Variants in PECAM1 observed in about 807,000 individuals in gnomAD.
The protein encoded by PECAM1 is platelet endothelial cell adhesion molecule.
A neutral mutation model predicts 13.8 loss-of-function variants in PECAM1; 8 were observed. The ratio of observed to expected loss-of-function variants is 0.58; its 90% CI spans 0.34 to 1.05. PECAM1 has a LOEUF of 1.05. Among genes scored for constraint, PECAM1 ranks in the 50% least tolerant of loss-of-function variants. PECAM1 has a pLI of 0.03. For synonymous variants in PECAM1, 136 were observed against 52.6 expected, an observed-to-expected ratio of 2.58 and a Z score of -6.86; for missense variants, 304 against 141.2, an observed-to-expected ratio of 2.15 and a Z score of -5.84.
At chr17:64,363,121 T>G (rs1229027907) in intron 6 of PECAM1, 28 bp downstream of exon 6, 4 of 475,244 alleles carry the variant, frequency 8.4e-6, no homozygotes, top group African/African-American at 2.0e-5. Flanking sequence ...ACCCTGGATG[T>G]CCTCTGAGTC....
rs1460631683 is a variant in PECAM1, at chr17:64,323,310, T to C, written c.*506A>G. The C allele has an allele frequency of 2.0e-6, 2 of 1,006,360 alleles. No homozygotes were observed. Among genetic ancestry groups the C allele is most frequent in the Non-Finnish European group, 2.4e-6 (2 of 842,244 alleles). The allele number at this position is 1,006,360 out of a possible 1,614,324, so 62.3% of individuals were successfully genotyped here. On this transcript the variant is annotated 3_prime_UTR_variant, in exon 16 of 16. Transcript: ENST00000563924. ...GGTCATAGAGGGGACAGGGGGAGGC[T>C]GTCTGGTCAGCACTGTGTATTTCCA...
intron 11 of PECAM1, among the ~76,000 whole-genome samples, chr17:64,350,819 T>A (rs1341908540): frequency 2.0e-5 from 3 of 151,990 alleles, no homozygotes; most frequent in African/African-American, 7.2e-5. Flanking sequence ...CACCTCAGCC[T>A]CCCAAAGAGC....
chr17:64,376,036 G>T (rs2036350334), intron 3 of PECAM1, among the ~76,000 whole-genome samples: 1 of 152,016 alleles, frequency 6.6e-6, no homozygotes, highest in East Asian at 1.9e-4. Context: ...ACGCGAGGTG[G>T]CTCACATCTG....
intron 5 of PECAM1, among the ~76,000 whole-genome samples, chr17:64,368,923 T>G (rs2143842349): frequency 7.2e-6 from 1 of 138,050 alleles, no homozygotes; most frequent in East Asian, 2.2e-4. Context: ...AAAGGGTAAT[T>G]GTCATTTCTT....
intron 14 of PECAM1, among the ~76,000 whole-genome samples, chr17:64,332,979 TC>T (rs533547848): frequency 3.1e-4 from 47 of 152,054 alleles, no homozygotes; most frequent in African/African-American, 1.1e-3. Context: ...ATGGTGAAAC[TC>T]CGTCTCTACT....
At chr17:64,347,510 C>G (rs118196609) in intron 13 of PECAM1, among the ~76,000 whole-genome samples, 56,744 of 139,580 alleles carry the variant, frequency 0.41, 13,100 homozygotes, top group Non-Finnish European at 0.52. Flanking sequence ...AGCCTGGGCA[C>G]AGAGTGAGAC....
At chr17:64,354,114 T>G (rs2035795890) in intron 9 of PECAM1, among the ~76,000 whole-genome samples, 2 of 152,024 alleles carry the variant, frequency 1.3e-5, no homozygotes, top group Admixed American at 1.3e-4. Flanking sequence ...CAATTTTTTG[T>G]ATTTTTAGTA....
intron 2 of PECAM1, among the ~76,000 whole-genome samples, chr17:64,383,095 G>T (rs899679328): frequency 6.6e-6 from 1 of 152,064 alleles, no homozygotes; most frequent in Non-Finnish European, 1.5e-5. Flanking sequence ...AATTTAAAGC[G>T]ACTTCTCCAG....
intron 13 of PECAM1, among the ~76,000 whole-genome samples, chr17:64,342,470 G>A (rs1018275930): frequency 6.6e-6 from 1 of 152,196 alleles, no homozygotes; most frequent in Non-Finnish European, 1.5e-5. Context: ...CTGGGTTAGA[G>A]CCTGGGGGTT....
rs1406061795 is a variant in PECAM1 at position 64,323,696 on chromosome 17, G to C, written c.*120C>G. ...CGGCAGCTTAGCCTGAGGAATTGCT[G>C]TGTTCTGTGGGAGCAGGGCAGGTTC... On this transcript the variant is annotated 3_prime_UTR_variant, in exon 16 of 16. Transcript: ENST00000563924. 1.3e-6 allele frequency: 2 copies of C among 1,549,662 alleles called. No homozygotes were observed. The highest frequency in any genetic ancestry group is 1.7e-6 in the Non-Finnish European group (2 of 1,144,890).
chr17:64,386,725 A>G (rs1158453293), intron 2 of PECAM1, among the ~76,000 whole-genome samples: 2 of 151,800 alleles, frequency 1.3e-5, no homozygotes, highest in Admixed American at 1.3e-4. Context: ...TCAGCCCAGG[A>G]GTTTGAGACC....
Position 64,321,008 on chromosome 17 carries a change from G to C in PECAM1, c.*2808C>G, listed in dbSNP as rs1250595814. 2 of 152,124 alleles carry C rather than the reference G, an allele frequency of 1.3e-5. No homozygotes were observed. The highest frequency in any genetic ancestry group is 1.5e-5 in the Non-Finnish European group (1 of 68,032). The allele number at this position is 152,124 out of a possible 1,614,324, so 9.4% of individuals were successfully genotyped here. A position where few individuals can be genotyped will look rare whatever the true frequency, so the allele number is the denominator to read the frequency against. ...CGGGAGACAAAATCGCCCGACAGTC[G>C]TTGCTTTAGTGAGTGAATGTTGACC... On this transcript the variant is annotated 3_prime_UTR_variant, in exon 16 of 16. Transcript: ENST00000563924.
chr17:64,387,265 A>T (rs1266929069), intron 2 of PECAM1, among the ~76,000 whole-genome samples: 1 of 152,148 alleles, frequency 6.6e-6, no homozygotes, highest in Admixed American at 6.5e-5. Flanking sequence ...CCTCAGCAAG[A>T]GGAGACCCAA....
intron 2 of PECAM1, among the ~76,000 whole-genome samples, chr17:64,385,964 C>G (rs940057581): frequency 2.0e-5 from 3 of 152,136 alleles, no homozygotes; most frequent in African/African-American, 7.2e-5. Context: ...TGGGCCCTGT[C>G]CTGAGGGTGT....
At chr17:64,334,711 GT>G (rs1443639544) in intron 14 of PECAM1, among the ~76,000 whole-genome samples, 5 of 152,068 alleles carry the variant, frequency 3.3e-5, no homozygotes, top group African/African-American at 1.2e-4. Flanking sequence ...GTTTCACCGT[GT>G]TAGCCAGGAT....
intron 14 of PECAM1, among the ~76,000 whole-genome samples, chr17:64,338,377 G>A (rs2035339438): frequency 6.6e-6 from 1 of 150,428 alleles, no homozygotes; most frequent in South Asian, 2.1e-4. Flanking sequence ...ACCATGCCCA[G>A]CCCTAAAAGC....
intron 2 of PECAM1, among the ~76,000 whole-genome samples, chr17:64,378,343 G>A (rs7215755): frequency 0.093 from 14,179 of 152,148 alleles, 2,234 homozygotes; most frequent in African/African-American, 0.32. Flanking sequence ...AAGGAACAGA[G>A]TGTGATAAAG....
chr17:64,366,379 C>A (rs2036106000), intron 5 of PECAM1, among the ~76,000 whole-genome samples: 3 of 150,692 alleles, frequency 2.0e-5, no homozygotes, highest in South Asian at 4.2e-4. Flanking sequence ...GTTGGTGGGA[C>A]TGTAAACTAG....
intron 6 of PECAM1, 96 bp from the exon 7 acceptor site, chr17:64,360,511 C>T: frequency 2.4e-6 from 1 of 419,380 alleles, no homozygotes; most frequent in Non-Finnish European, 4.3e-6. Flanking sequence ...GCTTTGCTTT[C>T]TATCCCTGCT....
Sources: allele counts gnomAD v4.1 joint callset (sites outside exome capture counted in the v4.1 genomes callset), GRCh38; gene constraint gnomAD v4.1.1; transcripts MANE v1.5; gene names NCBI Gene and HGNC (gene_info 2026-07-23, HGNC 2026-07-21).